The following TRIO variants were observed in gnomAD, a reference collection of about 807,000 sequenced individuals.
TRIO encodes triple functional domain protein.
A neutral mutation model predicts 351.9 loss-of-function variants in TRIO; 58 were observed. The ratio of observed to expected loss-of-function variants is 0.16; its 90% confidence interval spans 0.13 to 0.21. The LOEUF (loss-of-function observed/expected upper bound fraction) is 0.21, where lower values mean the gene tolerates loss of function less well. Among genes scored for constraint, TRIO ranks in the 10% least tolerant of loss-of-function variants. The probability of loss-of-function intolerance (pLI) is 1.00; values close to 1 mark genes in which losing one functional copy is unlikely to be tolerated. For missense variants in TRIO, 3,201 were observed against 4,027.8 expected (o/e 0.79, Z 5.56); for synonymous variants, 1,758 against 1,595.7 (o/e 1.10, Z -2.42).
chr5:14,200,184 G>T (rs1490830639), intron 1 of TRIO, among the ~76,000 whole-genome samples: 8 of 151,888 alleles, frequency 5.3e-5, no homozygotes, highest in African/African-American at 1.9e-4. Flanking sequence ...CATTCAGCCA[G>T]GTGGCCGTGC....
At chr5:14,253,656 T>A (rs1232565920) in intron 1 of TRIO, among the ~76,000 whole-genome samples, 2 of 152,254 alleles carry the variant, frequency 1.3e-5, no homozygotes, top group African/African-American at 2.4e-5. Flanking sequence ...GCTGGGATTC[T>A]TGATCAAAAG....
intron 34 of TRIO, among the ~76,000 whole-genome samples, chr5:14,431,259 C>T (rs1054195187): frequency 1.3e-5 from 2 of 152,204 alleles, no homozygotes; most frequent in Non-Finnish European, 2.9e-5. Flanking sequence ...CCTGCTTCAT[C>T]GTGGTCTGAC....
chr5:14,155,261 A>G (rs1788040087), intron 1 of TRIO, among the ~76,000 whole-genome samples: 1 of 152,160 alleles, frequency 6.6e-6, no homozygotes, highest in Non-Finnish European at 1.5e-5. Flanking sequence ...GCTAATTTAC[A>G]TGTTATCTTG....
intron 1 of TRIO, among the ~76,000 whole-genome samples, chr5:14,192,508 A>G (rs1790520599): frequency 6.6e-6 from 1 of 152,180 alleles, no homozygotes; most frequent in Non-Finnish European, 1.5e-5. Flanking sequence ...CCCTGGGCTC[A>G]AGTGATCCTC....
At chr5:14,437,887 G>C (rs563293037) in intron 34 of TRIO, among the ~76,000 whole-genome samples, 1 of 152,312 alleles carries the variant, frequency 6.6e-6, no homozygotes, top group South Asian at 2.1e-4. Context: ...ATGATGTTAA[G>C]AGTCAGTGCC....
In TRIO at chr5:14,291,031, A is replaced by G; in HGVS notation, c.856A>G (p.Ile286Val). The change falls in exon 5 of 57, where the codon ATA becomes GTA. Residue 286 changes from isoleucine (I) to valine (V), a missense_variant. Transcript: ENST00000344204. ...DLEGQKLLQR[I>V]QSSESFPKKN... ...GGAGGGACAGAAGCTGCTTCAGAGG[A>G]TACAGAGCAGTGAAAGCTTTCCCAA... 6.2e-7 allele frequency: 1 copy of G among 1,614,184 alleles called. No individual in the cohort carries two copies. The highest frequency in any genetic ancestry group is 8.5e-7 in the Non-Finnish European group (1 of 1,180,024).
chr5:14,297,234 T>G lies in TRIO; in HGVS notation c.1339T>G (p.Ser447Ala). 1.9e-6 allele frequency: 3 copies of G among 1,614,044 alleles called. No homozygotes were observed. The highest frequency in any genetic ancestry group is 2.5e-6 in the Non-Finnish European group (3 of 1,179,974). Residue 447 changes from serine to alanine, a missense_variant, in exon 7 of 57, where the codon TCC becomes GCC. Physicochemically the swap from Ser to Ala is moderately conservative, Grantham distance 99. Around this residue, in one of 19 missense-constraint regions of TRIO, gnomAD observed 349 missense variants for 449.3 expected, o/e 0.78. Transcript: ENST00000344204. The stretch of plus-strand genomic sequence containing the variant: ...TGAGCGGAGCACCTTGCTGGACATG[T>G]CCTCCATTTTCCACCAGAAGGCCGA... ...LDERSTLLDMSSIFHQKAEKY... is the reference protein window; with the variant it reads ...LDERSTLLDMASIFHQKAEKY...
At chr5:14,453,857 G>A (rs1411691456) in intron 34 of TRIO, among the ~76,000 whole-genome samples, 1 of 152,184 alleles carries the variant, frequency 6.6e-6, no homozygotes, top group Non-Finnish European at 1.5e-5. Flanking sequence ...CTGAGAGTTA[G>A]TTGACTTTTT....
intron 33 of TRIO, among the ~76,000 whole-genome samples, chr5:14,413,603 A>T (rs1749383081): frequency 1.3e-5 from 2 of 152,040 alleles, no homozygotes; most frequent in African/African-American, 4.8e-5. Context: ...ATTTTTTTAG[A>T]TGAGTTTTTT....
intron 8 of TRIO, among the ~76,000 whole-genome samples, 176 bp downstream of exon 8, chr5:14,304,768 G>A (rs999058855): frequency 6.6e-6 from 1 of 152,204 alleles, no homozygotes. Context: ...GTGGGGTGGG[G>A]CAGTAGGGGA....
intron 9 of TRIO, among the ~76,000 whole-genome samples, chr5:14,327,770 A>G (rs1299881478): frequency 6.6e-6 from 1 of 152,256 alleles, no homozygotes; most frequent in African/African-American, 2.4e-5. Context: ...CAAGCTAGAA[A>G]TATTTGATAC....
Position 14,492,351 on chromosome 5 carries a change from A to G in TRIO, c.7633-216A>G, listed in dbSNP as rs375598714. 139 of 625,506 alleles carry G rather than the reference A, an allele frequency of 2.2e-4. No homozygotes were observed. In the East Asian group the frequency reaches 2.3e-3, roughly 11 times the overall value. The allele number at this position is 625,506 out of a possible 1,614,324, so 38.7% of individuals were successfully genotyped here. A position where few individuals can be genotyped will look rare whatever the true frequency, so the allele number is the denominator to read the frequency against. On this transcript the variant is annotated intron_variant, in intron 48 of 56. Coordinates refer to ENST00000344204, the MANE Select transcript of TRIO (RefSeq NM_007118.4). The stretch of plus-strand genomic sequence containing the variant: ...CAGTGAATTTTTTAAGAGCGTCCCT[A>G]AATTGCTTTCTAGAGAAATTACATT...
chr5:14,380,923 A>T (rs1579485037), intron 20 of TRIO, among the ~76,000 whole-genome samples: 1 of 152,358 alleles, frequency 6.6e-6, no homozygotes, highest in Admixed American at 6.5e-5. Context: ...TGATACTGTT[A>T]TAACCATCTA....
Position 14,359,380 on chromosome 5 carries a change from A to G in TRIO, c.2240A>G (p.Lys747Arg), listed in dbSNP as rs774448501. 6.2e-7 allele frequency: 1 copy of G among 1,613,804 alleles called. No homozygotes were observed. The highest frequency in any genetic ancestry group is 1.1e-5 in the South Asian group (1 of 91,076). The change falls in exon 13 of 57, where the codon AAG becomes AGG. Residue 747 changes from lysine to arginine, a missense_variant. Lys to Arg is a conservative substitution (Grantham distance 26). This residue lies in a region of TRIO where 363 missense variants were observed against 553.5 expected (regional missense o/e 0.66). Transcript: ENST00000344204. Reference sequence around the variant, plus strand: ...AGGGACTCTGCCATCTCCAGTAACAAGACCCCCCACAACAGCTCCATCAAC... The same window carrying G: ...AGGGACTCTGCCATCTCCAGTAACAGGACCCCCCACAACAGCTCCATCAAC... Reference protein sequence around the residue: ...QLRDSAISSNKTPHNSSINHI... With the variant: ...QLRDSAISSNRTPHNSSINHI...
intron 1 of TRIO, among the ~76,000 whole-genome samples, chr5:14,226,691 T>C (rs1793057370): frequency 6.6e-6 from 1 of 152,250 alleles, no homozygotes; most frequent in Non-Finnish European, 1.5e-5. Context: ...TGGTGAAGCA[T>C]TACGTCTTCA....
In TRIO at chr5:14,214,896, TATG is replaced by T. The variant is rs547314714; in HGVS notation, c.158-55925_158-55923del. 1.2e-4 allele frequency among the ~76,000 whole-genome samples: 18 copies of T among 152,338 alleles called. No individual in the cohort carries two copies. The South Asian group carries it at 3.5e-3, about 30-fold the overall frequency. ...AACTCATTGATTTCAAATCAGTAGT[TATG>T]ATGTTATTTTTTCCTTTTACAGTTT... On this transcript the variant is annotated intron_variant, in intron 1 of 56. Coordinates refer to ENST00000344204, the MANE Select transcript of TRIO (RefSeq NM_007118.4).
chr5:14,504,434 C>T lies in TRIO; in HGVS notation c.8453C>T (p.Thr2818Ile). The change falls in exon 55 of 57, where the codon ACC becomes ATC. Residue 2818 changes from threonine to isoleucine, a missense_variant. Physicochemically the swap from Thr to Ile is moderately conservative, Grantham distance 89 (BLOSUM62 -1). Around this residue, in one of 19 missense-constraint regions of TRIO, gnomAD observed 1,089 missense variants for 954.9 expected, o/e 1.14. Transcript: ENST00000344204. ...SVVKKCDQKGTKRAVATKFVN... is the reference protein window; with the variant it reads ...SVVKKCDQKGIKRAVATKFVN... ...GTTAAGAAATGTGATCAGAAAGGAACCAAGCGAGCAGTGGCCACTAAGTTT... is the reference window on the plus strand; with the variant it reads ...GTTAAGAAATGTGATCAGAAAGGAATCAAGCGAGCAGTGGCCACTAAGTTT... The T allele has an allele frequency of 3.1e-6, 5 of 1,614,136 alleles. No homozygotes were observed. The highest frequency in any genetic ancestry group is 4.2e-6 in the Non-Finnish European group (5 of 1,180,004).
intron 13 of TRIO, among the ~76,000 whole-genome samples, chr5:14,360,456 A>G (rs571250505): frequency 6.6e-6 from 1 of 152,354 alleles, no homozygotes; most frequent in South Asian, 2.1e-4. Context: ...TGGCTGTGAC[A>G]GCCCGAAGGC....
chr5:14,467,639 C>T (rs149404411), intron 37 of TRIO, among the ~76,000 whole-genome samples: 8 of 152,110 alleles, frequency 5.3e-5, no homozygotes, highest in Admixed American at 1.3e-4. Flanking sequence ...AACACGAGAC[C>T]GCATCTCTAC....
Sources: gnomAD v4.1 joint callset for allele counts (sites outside exome capture counted in the v4.1 genomes callset) on GRCh38, gnomAD v4.1.1 for gene constraint, gnomAD v4.1.1 regional missense constraint, MANE v1.5 for transcripts, NCBI Gene and HGNC (gene_info 2026-07-23, HGNC 2026-07-21) for gene names.